KCNQ1OT1: variants seen among roughly 807,000 people sequenced by gnomAD.
KCNQ1OT1 encodes the protein KCNQ1 opposite strand/antisense transcript 1.
chr11:2,645,203 G>A lies in KCNQ1OT1; in HGVS notation n.54792C>T. 1 of 398,682 alleles carries A rather than the reference G, an allele frequency of 2.5e-6. No homozygotes were observed. Among genetic ancestry groups the A allele is most frequent in the Non-Finnish European group, 4.4e-6 (1 of 226,134 alleles). The allele number at this position is 398,682 out of a possible 1,614,324, so 24.7% of individuals were successfully genotyped here. ...GGGATGGCTGGGATAAGCTGGATGA[G>A]CTTGTCCCAAGGCCCACAGGTGGCA... On this transcript the variant is annotated non_coding_transcript_exon_variant, in exon 1 of 1. Coordinates refer to ENST00000597346, the Ensembl canonical transcript of KCNQ1OT1. The surrounding 1 kb of genome is among the most constrained non-coding windows in gnomAD (Gnocchi z 5.8).
chr11:2,616,045 G>A (rs1170229957), exon 1 of KCNQ1OT1: 1 of 397,830 alleles, frequency 2.5e-6, no homozygotes, highest in Non-Finnish European at 4.4e-6. Flanking sequence ...CTTGTTATGG[G>A]TCTGCTCATA....
In KCNQ1OT1 at chr11:2,617,977, C is replaced by G; in HGVS notation, n.82018G>C. On this transcript the variant is annotated non_coding_transcript_exon_variant, in exon 1 of 1. Coordinates refer to ENST00000597346, the Ensembl canonical transcript of KCNQ1OT1. This position sits in a 1 kb window ranked among gnomAD's most constrained non-coding sequence, Gnocchi z 4.6. ...GGTTGGCAAATATTTTCTTCTAGTCCATAGGTTGCCTTTTCCTTTTGTTGA... is the reference window on the plus strand; with the variant it reads ...GGTTGGCAAATATTTTCTTCTAGTCGATAGGTTGCCTTTTCCTTTTGTTGA... 2.5e-6 allele frequency: 1 copy of G among 398,424 alleles called. No homozygotes were observed. The highest frequency in any genetic ancestry group is 4.4e-5 in the Admixed American group (1 of 22,710). The allele number at this position is 398,424 out of a possible 1,614,324, so 24.7% of individuals were successfully genotyped here.
chr11:2,679,353 T>C lies in KCNQ1OT1; in HGVS notation n.20642A>G, dbSNP rs1451350914. On this transcript the variant is annotated non_coding_transcript_exon_variant, in exon 1 of 1. Transcript: ENST00000597346. This position sits in a 1 kb window ranked among gnomAD's most constrained non-coding sequence, Gnocchi z 4.8. ...CCTAATTCCACTACTTTCTACCTGC[T>C]ACACCTTGAGTGAGTCACTTAGTCT... The C allele has an allele frequency of 2.5e-6, 1 of 398,668 alleles. No individual in the cohort carries two copies. Among genetic ancestry groups the C allele is most frequent in the Non-Finnish European group, 4.4e-6 (1 of 226,064 alleles). The allele number at this position is 398,668 out of a possible 1,614,324, so 24.7% of individuals were successfully genotyped here.
In KCNQ1OT1 at chr11:2,669,238, G is replaced by C. The variant is rs1264146100; in HGVS notation, n.30757C>G. ...TTGACAGCTGGTCCTGCTGGCTCTGGCTGCTTCTCCTTCCCCATCACTGGC... is the reference window on the plus strand; with the variant it reads ...TTGACAGCTGGTCCTGCTGGCTCTGCCTGCTTCTCCTTCCCCATCACTGGC... On this transcript the variant is annotated non_coding_transcript_exon_variant, in exon 1 of 1. Transcript: ENST00000597346. This position sits in a 1 kb window ranked among gnomAD's most constrained non-coding sequence, Gnocchi z 5.6. The C allele has an allele frequency of 2.5e-6, 1 of 398,572 alleles. No homozygotes were observed. Among genetic ancestry groups the C allele is most frequent in the African/African-American group, 2.1e-5 (1 of 48,622 alleles). The allele number at this position is 398,572 out of a possible 1,614,324, so 24.7% of individuals were successfully genotyped here.
rs562981831 is a variant in KCNQ1OT1 at position 2,627,674 on chromosome 11, A to ATG, written n.72319_72320dup. The ATG allele has an allele frequency of 7.3e-5, 29 of 397,748 alleles. No homozygotes were observed. The highest frequency in any genetic ancestry group is 9.3e-5 in the Non-Finnish European group (21 of 225,726). 24.6% of individuals were successfully genotyped at this position (397,748 alleles called of 1,614,324 possible). ...AATATTTCATTGTGTGTGTGTATAT[A>ATG]TGTGTGTGTGTGTGTCTGTATGTAT... On this transcript the variant is annotated non_coding_transcript_exon_variant, in exon 1 of 1. Coordinates refer to ENST00000597346, the Ensembl canonical transcript of KCNQ1OT1. The surrounding 1 kb of genome is among the most constrained non-coding windows in gnomAD (Gnocchi z 4.9).
rs1052986266 is a variant in KCNQ1OT1 at position 2,652,187 on chromosome 11, C to A, written n.47808G>T. 5.0e-6 allele frequency: 2 copies of A among 398,530 alleles called. No individual in the cohort carries two copies. The highest frequency in any genetic ancestry group is 4.4e-5 in the Admixed American group (1 of 22,720). The allele number at this position is 398,530 out of a possible 1,614,324, so 24.7% of individuals were successfully genotyped here. On this transcript the variant is annotated non_coding_transcript_exon_variant, in exon 1 of 1. Transcript: ENST00000597346. The surrounding 1 kb of genome is among the most constrained non-coding windows in gnomAD (Gnocchi z 5.9). ...CTGGGGGTGGGGCCCCAGCAGATGTCTGGATTTGGTAGCCAGGGCCTGGAG... is the reference window on the plus strand; with the variant it reads ...CTGGGGGTGGGGCCCCAGCAGATGTATGGATTTGGTAGCCAGGGCCTGGAG...
In KCNQ1OT1 at chr11:2,682,581, C is replaced by A. The variant is rs1255310628; in HGVS notation, n.17414G>T. Reference sequence around the variant, plus strand: ...TAAGGCTATGCTGGGGTTCAGGCAACCCAAGGCTGGTCTGGAGAGTGTAAG... The same window carrying A: ...TAAGGCTATGCTGGGGTTCAGGCAAACCAAGGCTGGTCTGGAGAGTGTAAG... On this transcript the variant is annotated non_coding_transcript_exon_variant, in exon 1 of 1. Transcript: ENST00000597346. This position sits in a 1 kb window ranked among gnomAD's most constrained non-coding sequence, Gnocchi z 5.8. 3 of 398,462 alleles carry A rather than the reference C, an allele frequency of 7.5e-6. No individual in the cohort carries two copies. Among genetic ancestry groups the A allele is most frequent in the Non-Finnish European group, 1.3e-5 (3 of 226,108 alleles). 24.7% of individuals were successfully genotyped at this position (398,462 alleles called of 1,614,324 possible). A position where few individuals can be genotyped will look rare whatever the true frequency, so the allele number is the denominator to read the frequency against.
chr11:2,669,655 T>C lies in KCNQ1OT1; in HGVS notation n.30340A>G. 2.5e-6 allele frequency: 1 copy of C among 398,632 alleles called. No individual in the cohort carries two copies. The allele number at this position is 398,632 out of a possible 1,614,324, so 24.7% of individuals were successfully genotyped here. On this transcript the variant is annotated non_coding_transcript_exon_variant, in exon 1 of 1. Coordinates refer to ENST00000597346, the Ensembl canonical transcript of KCNQ1OT1. The surrounding 1 kb of genome is among the most constrained non-coding windows in gnomAD (Gnocchi z 5.6). The stretch of plus-strand genomic sequence containing the variant: ...TTTCCTCTTGTATACATTGGGAGTA[T>C]ATCTCACAGTATTAGTGTAAGGCCT...
chr11:2,631,474 T>A, exon 1 of KCNQ1OT1: 1 of 396,470 alleles, frequency 2.5e-6, no homozygotes, highest in East Asian at 3.6e-5. Flanking sequence ...TCCTTTTGTG[T>A]ATTAATGATT....
chr11:2,619,571 A>G, exon 1 of KCNQ1OT1: 1 of 398,528 alleles, frequency 2.5e-6, no homozygotes, highest in Non-Finnish European at 4.4e-6. Context: ...GTCTGCCAAT[A>G]TTTTATTAAG....
exon 1 of KCNQ1OT1, chr11:2,681,131 G>GA (rs2133880677): frequency 5.0e-6 from 2 of 398,558 alleles, no homozygotes; most frequent in East Asian, 7.1e-5. Flanking sequence ...AAGCACCTAT[G>GA]AAAAAATTCT....
rs981706568 is a variant in KCNQ1OT1, at chr11:2,645,671, A to G, written n.54324T>C. On this transcript the variant is annotated non_coding_transcript_exon_variant, in exon 1 of 1. Coordinates refer to ENST00000597346, the Ensembl canonical transcript of KCNQ1OT1. This position sits in a 1 kb window ranked among gnomAD's most constrained non-coding sequence, Gnocchi z 5.8. ...CTTCGGAGGTAGCAGAGTATTGCCA[A>G]TGGCTCATGCTTTGGCCTGGAGGGA... 2.5e-6 allele frequency: 1 copy of G among 398,638 alleles called. No individual in the cohort carries two copies. Among genetic ancestry groups the G allele is most frequent in the Non-Finnish European group, 4.4e-6 (1 of 226,194 alleles). The allele number at this position is 398,638 out of a possible 1,614,324, so 24.7% of individuals were successfully genotyped here.
rs1023294412 is a variant in KCNQ1OT1, at chr11:2,658,578, GCCC to G, written n.41414_41416del. The G allele has an allele frequency of 2.7e-5, 9 of 338,666 alleles. No homozygotes were observed. Among genetic ancestry groups the G allele is most frequent in the Admixed American group, 6.5e-5 (1 of 15,340 alleles). The allele number at this position is 338,666 out of a possible 1,614,324, so 21.0% of individuals were successfully genotyped here. ...CTAGAATCATCCATTCATCCAGAGA[GCCC>G]TGGCTCCCTGGAGAATGAATAGAAA... On this transcript the variant is annotated non_coding_transcript_exon_variant, in exon 1 of 1. Coordinates refer to ENST00000597346, the Ensembl canonical transcript of KCNQ1OT1. This position sits in a 1 kb window ranked among gnomAD's most constrained non-coding sequence, Gnocchi z 4.9.
At position 2,627,889 on chromosome 11, in the gene KCNQ1OT1, C is replaced by A. The variant is rs1255701996; in HGVS notation, n.72106G>T. On this transcript the variant is annotated non_coding_transcript_exon_variant, in exon 1 of 1. Transcript: ENST00000597346. This position sits in a 1 kb window ranked among gnomAD's most constrained non-coding sequence, Gnocchi z 4.9. ...CCTCAGCCTCCTGAGTAGCTGGGAC[C>A]ACAGTCATGCACCCCCATGCCCAGC... The A allele has an allele frequency of 7.5e-6, 3 of 398,410 alleles. No individual in the cohort carries two copies. Among genetic ancestry groups the A allele is most frequent in the Admixed American group, 8.8e-5 (2 of 22,708 alleles). The allele number at this position is 398,410 out of a possible 1,614,324, so 24.7% of individuals were successfully genotyped here.
At chr11:2,696,925 C>G in exon 1 of KCNQ1OT1, 1 of 398,466 alleles carries the variant, frequency 2.5e-6, no homozygotes, top group Non-Finnish European at 4.4e-6. Context: ...ATATCCAAAA[C>G]CTCTCTGAAA....
At position 2,651,335 on chromosome 11, in the gene KCNQ1OT1, G is replaced by C; in HGVS notation, n.48660C>G. 2.5e-6 allele frequency: 1 copy of C among 398,732 alleles called. No homozygotes were observed. The highest frequency in any genetic ancestry group is 4.4e-5 in the Admixed American group (1 of 22,748). The allele number at this position is 398,732 out of a possible 1,614,324, so 24.7% of individuals were successfully genotyped here. On this transcript the variant is annotated non_coding_transcript_exon_variant, in exon 1 of 1. Coordinates refer to ENST00000597346, the Ensembl canonical transcript of KCNQ1OT1. This position sits in a 1 kb window ranked among gnomAD's most constrained non-coding sequence, Gnocchi z 6.1. The stretch of plus-strand genomic sequence containing the variant: ...CAGAACACTCCTCAGAGTTCTACAA[G>C]CGGCTGAGAGAGCTGGGGTATTTAT...
At chr11:2,628,641 A>C in exon 1 of KCNQ1OT1, 1 of 398,058 alleles carries the variant, frequency 2.5e-6, no homozygotes, top group Non-Finnish European at 4.4e-6. Flanking sequence ...TTTTTGTTTG[A>C]TGTAGTTCTA....
At chr11:2,662,475 C>G in exon 1 of KCNQ1OT1, 1 of 468,240 alleles carries the variant, frequency 2.1e-6, no homozygotes, top group Admixed American at 3.7e-5. Context: ...CGGGTGCAGT[C>G]TGCCAGTTGC....
chr11:2,688,339 G>A (rs1850527916), exon 1 of KCNQ1OT1: 1 of 398,646 alleles, frequency 2.5e-6, no homozygotes, highest in Non-Finnish European at 4.4e-6. Flanking sequence ...CTTCCATGGG[G>A]GTCTTCCTCT....
Sources: allele counts gnomAD v4.1 joint callset, GRCh38; gene constraint gnomAD v4.1.1; non-coding constraint Gnocchi (gnomAD v3.1); transcripts MANE v1.5; gene names NCBI Gene and HGNC (gene_info 2026-07-23, HGNC 2026-07-21).